Variants in TNFSF11 observed in about 807,000 individuals in gnomAD.
TNFSF11 encodes TNF superfamily member 11, also known as tumor necrosis factor ligand superfamily member 11.
In TNFSF11, 12 loss-of-function variants were observed where a neutral mutation model predicts 32.2. The ratio of observed to expected loss-of-function variants is 0.37; its 90% CI spans 0.24 to 0.60. The LOEUF is 0.60. Among genes scored for constraint, TNFSF11 ranks in the 20% least tolerant of loss-of-function variants. The pLI is 0.66. For missense variants in TNFSF11, 345 were observed against 398.0 expected (o/e 0.87, Z 1.13); for synonymous variants, 172 against 152.1 (o/e 1.13, Z -0.96).
At chr13:42,581,014 G>A in intron 1 of TNFSF11, 112 bp from the exon 2 acceptor site, 1 of 1,092,036 alleles carries the variant, frequency 9.2e-7, no homozygotes, top group Non-Finnish European at 1.4e-6. Flanking sequence ...TCATTGTTGG[G>A]GACATAAAGA....
chr13:42,563,532 G>A (rs1391509745), intron 1 of TNFSF11, among the ~76,000 whole-genome samples: 3 of 151,952 alleles, frequency 2.0e-5, no homozygotes, highest in South Asian at 2.1e-4. Context: ...GTGTGGTGGC[G>A]GACACTTGTC....
chr13:42,594,537 T>G (rs1306945525), intron 2 of TNFSF11, among the ~76,000 whole-genome samples: 1 of 152,234 alleles, frequency 6.6e-6, no homozygotes, highest in Non-Finnish European at 1.5e-5. Context: ...TATCCTTTGC[T>G]GTAAATGTTT....
intron 2 of TNFSF11, among the ~76,000 whole-genome samples, chr13:42,594,466 T>A (rs971465098): frequency 1.3e-5 from 2 of 152,196 alleles, no homozygotes; most frequent in Non-Finnish European, 2.9e-5. Flanking sequence ...CTCTCCTGAA[T>A]TGGAATGTTA....
At chr13:42,598,909 G>A (rs1303885621) in intron 2 of TNFSF11, among the ~76,000 whole-genome samples, 3 of 152,152 alleles carry the variant, frequency 2.0e-5, no homozygotes, top group African/African-American at 4.8e-5. Context: ...TTGAGAACCC[G>A]GAGGTCTTGA....
At chr13:42,581,347 C>T in intron 2 of TNFSF11, 54 bp downstream of exon 2, 1 of 1,598,498 alleles carries the variant, frequency 6.3e-7, no homozygotes, top group South Asian at 1.1e-5. Context: ...TCTACCAATA[C>T]TGAAAATTAA....
At chr13:42,596,966 C>T (rs562020211) in intron 2 of TNFSF11, among the ~76,000 whole-genome samples, 44 of 152,352 alleles carry the variant, frequency 2.9e-4, no homozygotes, top group Non-Finnish European at 5.4e-4. Flanking sequence ...GTCTCTGCTG[C>T]GCAGCCAGGT....
chr13:42,576,938 T>A (rs1385721160), intron 1 of TNFSF11, among the ~76,000 whole-genome samples: 1 of 152,236 alleles, frequency 6.6e-6, no homozygotes, highest in Non-Finnish European at 1.5e-5. Flanking sequence ...GTGTTAGAGA[T>A]CTTCTTTCAA....
chr13:42,588,306 A>G (rs1166806469), intron 2 of TNFSF11, among the ~76,000 whole-genome samples: 2 of 152,234 alleles, frequency 1.3e-5, no homozygotes, highest in African/African-American at 4.8e-5. Context: ...GGAAGAAGGT[A>G]GGAAGCAGGA....
intron 1 of TNFSF11, among the ~76,000 whole-genome samples, chr13:42,578,385 C>A (rs1048735881): frequency 6.6e-6 from 1 of 152,178 alleles, no homozygotes; most frequent in Non-Finnish European, 1.5e-5. Context: ...GTGTGGCTGG[C>A]CTTGCACCCT....
Position 42,574,309 on chromosome 13 carries a change from C to T in TNFSF11, c.6C>T (p.Arg2=). 6.5e-7 allele frequency: 1 copy of T among 1,545,722 alleles called. No individual in the cohort carries two copies. The highest frequency in any genetic ancestry group is 2.0e-5 in the Admixed American group (1 of 50,950). Reference sequence around the variant, plus strand: ...AAGCGAGAGGGCCGAGCGCCATGCGCCGCGCCAGCAGAGACTACACCAAGT... The same window carrying T: ...AAGCGAGAGGGCCGAGCGCCATGCGTCGCGCCAGCAGAGACTACACCAAGT... M[R]RASRDYTKYL... Residue 2 remains arginine (R), a synonymous_variant, in exon 1 of 5, where the codon CGC becomes CGT. Transcript: ENST00000398795.
rs574249861 is a variant in TNFSF11 at position 42,566,296 on chromosome 13, C to T, written c.-301-325C>T. ...GAGGAAGCATCTTCCCTACCCCTCA[C>T]TTCATGGATGTCTACCATTGCCTAA... On this transcript the variant is annotated intron_variant, in intron 1 of 6. Coordinates refer to the TNFSF11 transcript ENST00000358545. Among the ~76,000 whole-genome samples, 23 of 152,310 alleles carry T rather than the reference C, an allele frequency of 1.5e-4. No homozygotes were observed. The South Asian group carries it at 3.1e-3, about 21-fold the overall frequency.
At chr13:42,599,352 CT>C (rs1433324558) in intron 2 of TNFSF11, among the ~76,000 whole-genome samples, 14 of 146,528 alleles carry the variant, frequency 9.6e-5, no homozygotes, top group African/African-American at 3.1e-4. Flanking sequence ...TATCTATCAT[CT>C]ATCTATCTAT....
intron 2 of TNFSF11, among the ~76,000 whole-genome samples, chr13:42,593,252 G>A (rs144052233): frequency 1.3e-3 from 195 of 152,290 alleles, no homozygotes; most frequent in African/African-American, 4.5e-3. Flanking sequence ...GGATGAAGAC[G>A]AATTGCATAT....
intron 1 of TNFSF11, among the ~76,000 whole-genome samples, chr13:42,563,659 G>A (rs569520567): frequency 4.1e-3 from 320 of 78,992 alleles, no homozygotes; most frequent in Non-Finnish European, 6.3e-3. Flanking sequence ...CAAAAACTCC[G>A]TCTCAAAAAA....
intron 1 of TNFSF11, 46 bp from the exon 2 acceptor site, chr13:42,581,080 G>C (rs1422800667): frequency 6.2e-7 from 1 of 1,603,492 alleles, no homozygotes; most frequent in South Asian, 1.1e-5. Context: ...ATAGCAGGAT[G>C]ACTAGTGATA....
intron 2 of TNFSF11, among the ~76,000 whole-genome samples, chr13:42,599,349 C>CTATCTATCATCCATCT (rs11385072): frequency 2.7e-5 from 3 of 112,186 alleles, no homozygotes; most frequent in Non-Finnish European, 3.6e-5. Flanking sequence ...ATCTATCTAT[C>CTATCTATCATCCATCT]ATCTATCTAT....
rs1594469858 is a variant in TNFSF11, at chr13:42,589,145, G to A, written c.387+7852G>A. On this transcript the variant is annotated intron_variant, in intron 2 of 4. Transcript: ENST00000398795. ...AGCACTCAGAACTCTTCTCTTCAGT[G>A]CCTGTGGCTGCTTCTCATTTGATCT... 2.0e-5 allele frequency among the ~76,000 whole-genome samples: 3 copies of A among 152,270 alleles called. No homozygotes were observed. The East Asian group carries it at 5.8e-4, about 29-fold the overall frequency.
intron 4 of TNFSF11, among the ~76,000 whole-genome samples, chr13:42,605,549 A>G (rs1464743829): frequency 6.6e-6 from 1 of 152,212 alleles, no homozygotes; most frequent in Non-Finnish European, 1.5e-5. Context: ...GACCTGAAAT[A>G]TGAAAAGGAT....
chr13:42,600,953 C>A lies in TNFSF11; in HGVS notation c.504C>A (p.Leu168=), dbSNP rs1869142512. 1 of 1,614,122 alleles carries A rather than the reference C, an allele frequency of 6.2e-7. No individual in the cohort carries two copies. Among genetic ancestry groups the A allele is most frequent in the Admixed American group, 1.7e-5 (1 of 60,012 alleles). Residue 168 remains leucine (L), a synonymous_variant, in exon 4 of 5, where the codon CTC becomes CTA. Transcript: ENST00000398795. ...TTGAAGCTCAGCCTTTTGCTCATCTCACTATTAATGCCACCGACATCCCAT... is the reference window on the plus strand; with the variant it reads ...TTGAAGCTCAGCCTTTTGCTCATCTAACTATTAATGCCACCGACATCCCAT... ...SKLEAQPFAH[L]TINATDIPSG... is the part of the protein sequence containing the mutation.
Sources: gnomAD v4.1 joint callset for allele counts (sites outside exome capture counted in the v4.1 genomes callset) on GRCh38, gnomAD v4.1.1 for gene constraint, MANE v1.5 for transcripts, NCBI Gene and HGNC (gene_info 2026-07-23, HGNC 2026-07-21) for gene names.